Variants in KATNIP observed in about 807,000 individuals in gnomAD.
KATNIP encodes the protein katanin-interacting protein.
A neutral mutation model predicts 174.0 loss-of-function variants in KATNIP; 126 were observed. The ratio of observed to expected loss-of-function variants is 0.72; its 90% CI spans 0.63 to 0.84. The LOEUF (loss-of-function observed/expected upper bound fraction) is 0.84. Ranked by LOEUF, KATNIP falls within the 40% of genes least tolerant of loss-of-function variation. The pLI, the probability that KATNIP is intolerant of heterozygous loss-of-function variation, is 0.00. For missense variants in KATNIP, 1,958 were observed against 2,109.7 expected (o/e 0.93, Z 1.41); for synonymous variants, 810 against 835.7 (o/e 0.97, Z 0.53).
intron 14 of KATNIP, among the ~76,000 whole-genome samples, chr16:27,737,863 A>G (rs1457378358): frequency 1.3e-5 from 2 of 152,108 alleles, no homozygotes; most frequent in East Asian, 1.9e-4. Context: ...TGACACCAGG[A>G]TAACAGATAT....
chr16:27,682,928 C>T (rs1265852889), intron 8 of KATNIP, among the ~76,000 whole-genome samples: 2 of 152,150 alleles, frequency 1.3e-5, no homozygotes, highest in Non-Finnish European at 2.9e-5. Flanking sequence ...CACTCATCCC[C>T]TCACCATGCA....
chr16:27,652,354 T>C (rs1311795608), intron 6 of KATNIP, among the ~76,000 whole-genome samples: 2 of 152,142 alleles, frequency 1.3e-5, no homozygotes, highest in Non-Finnish European at 2.9e-5. Context: ...GAAATAAAGA[T>C]ACGGGATTCT....
At chr16:27,677,204 G>T (rs2078150467) in intron 6 of KATNIP, among the ~76,000 whole-genome samples, 1 of 152,180 alleles carries the variant, frequency 6.6e-6, no homozygotes. Flanking sequence ...GCAATATGCA[G>T]GTCAGCCCCT....
intron 15 of KATNIP, among the ~76,000 whole-genome samples, chr16:27,742,186 G>A (rs1443622897): frequency 1.3e-5 from 2 of 152,144 alleles, no homozygotes; most frequent in Admixed American, 1.3e-4. Flanking sequence ...ACTCAGACTT[G>A]GCTCCTGGAG....
chr16:27,714,320 T>A (rs2079827048), intron 13 of KATNIP, among the ~76,000 whole-genome samples: 1 of 152,218 alleles, frequency 6.6e-6, no homozygotes, highest in Non-Finnish European at 1.5e-5. Flanking sequence ...TTATCTGTCC[T>A]GTTTACACTA....
intron 6 of KATNIP, among the ~76,000 whole-genome samples, chr16:27,650,228 G>A (rs2077078162): frequency 1.3e-5 from 2 of 152,048 alleles, no homozygotes; most frequent in South Asian, 2.1e-4. Context: ...CCAGATAGAG[G>A]AAGCAGCAAG....
intron 10 of KATNIP, among the ~76,000 whole-genome samples, chr16:27,700,603 C>T (rs1308599505): frequency 6.6e-6 from 1 of 152,166 alleles, no homozygotes; most frequent in Non-Finnish European, 1.5e-5. Context: ...AAGGCATGTC[C>T]CATCTGAGCT....
intron 6 of KATNIP, among the ~76,000 whole-genome samples, chr16:27,662,505 C>T (rs1567270901): frequency 6.6e-6 from 1 of 152,028 alleles, no homozygotes; most frequent in Non-Finnish European, 1.5e-5. Context: ...GCAGGTGGGT[C>T]AGACAGCACA....
At chr16:27,706,236 A>G (rs774306416) in intron 12 of KATNIP, among the ~76,000 whole-genome samples, 5 of 152,120 alleles carry the variant, frequency 3.3e-5, no homozygotes, top group Non-Finnish European at 7.3e-5. Flanking sequence ...GCACCCCTGT[A>G]TCATCAGACT....
intron 1 of KATNIP, among the ~76,000 whole-genome samples, chr16:27,557,709 T>G (rs2089688596): frequency 1.3e-5 from 2 of 152,222 alleles, no homozygotes; most frequent in African/African-American, 4.8e-5. Flanking sequence ...ATTACAGGCA[T>G]GAGCCACTAT....
At chr16:27,605,927 C>T (rs1158457909) in intron 2 of KATNIP, among the ~76,000 whole-genome samples, 1 of 152,114 alleles carries the variant, frequency 6.6e-6, no homozygotes, top group East Asian at 1.9e-4. Flanking sequence ...TTCAGGAGTT[C>T]GAGACTAGCC....
At chr16:27,569,467 T>C (rs2090207732) in intron 1 of KATNIP, among the ~76,000 whole-genome samples, 1 of 152,262 alleles carries the variant, frequency 6.6e-6, no homozygotes, top group Non-Finnish European at 1.5e-5. Context: ...TATTTATTGC[T>C]TCATAGCTGA....
At position 27,777,789 on chromosome 16, in the gene KATNIP, C is replaced by G; in HGVS notation, c.4712+19C>G. 6.2e-7 allele frequency: 1 copy of G among 1,612,850 alleles called. No individual in the cohort carries two copies. Among genetic ancestry groups the G allele is most frequent in the Non-Finnish European group, 8.5e-7 (1 of 1,179,098 alleles). ...CCATCAGGTAGGGCCCCAGCCGGCCCCATGGCCTCCCCACCAGCCCTAAGG... is the reference window on the plus strand; with the variant it reads ...CCATCAGGTAGGGCCCCAGCCGGCCGCATGGCCTCCCCACCAGCCCTAAGG... On this transcript the variant is annotated intron_variant, in intron 26 of 27. Coordinates refer to ENST00000261588, the MANE Select transcript of KATNIP (RefSeq NM_015202.5). The surrounding 1 kb of genome is among the most constrained non-coding windows in gnomAD (Gnocchi z 4.4).
At chr16:27,661,911 A>T (rs1337564270) in intron 6 of KATNIP, among the ~76,000 whole-genome samples, 267 of 9,882 alleles carry the variant, frequency 0.027, 2 homozygotes, top group African/African-American at 0.092. Flanking sequence ...GTGCCTGGCT[A>T]ATATATATAT....
chr16:27,761,333 G>A, intron 18 of KATNIP, 80 bp from the exon 19 acceptor site: 2 of 1,405,256 alleles, frequency 1.4e-6, no homozygotes, highest in Non-Finnish European at 9.6e-7. Context: ...AGGCCGAATA[G>A]CATTCCTCTT....
At chr16:27,703,108 A>G (rs2079159648) in intron 11 of KATNIP, among the ~76,000 whole-genome samples, 1 of 152,066 alleles carries the variant, frequency 6.6e-6, no homozygotes, top group South Asian at 2.1e-4. Flanking sequence ...CAGAGGTTGT[A>G]GTGAGCCGAG....
At position 27,751,704 on chromosome 16, in the gene KATNIP, T is replaced by C; in HGVS notation, c.3347-15T>C. The stretch of plus-strand genomic sequence containing the variant: ...GAAGTGAGTTGACCTTTCTGTCATC[T>C]TGATAACCCATTAGCCCCAGAGCAC... On this transcript the variant is annotated splice_polypyrimidine_tract_variant and intron_variant, in intron 16 of 27. Transcript: ENST00000261588. 1 of 1,613,566 alleles carries C rather than the reference T, an allele frequency of 6.2e-7. No individual in the cohort carries two copies. Among genetic ancestry groups the C allele is most frequent in the Non-Finnish European group, 8.5e-7 (1 of 1,179,454 alleles).
chr16:27,749,257 G>C (rs2081401113), intron 15 of KATNIP, among the ~76,000 whole-genome samples: 1 of 152,230 alleles, frequency 6.6e-6, no homozygotes, highest in Non-Finnish European at 1.5e-5. Flanking sequence ...AAAACAACCA[G>C]ATTCTGGAAT....
chr16:27,617,843 T>A (rs561325396), intron 2 of KATNIP, among the ~76,000 whole-genome samples: 2 of 152,050 alleles, frequency 1.3e-5, no homozygotes, highest in South Asian at 4.2e-4. Context: ...CAGGCAGTCC[T>A]CCCCCTTCAG....
Sources: gnomAD v4.1 joint callset for allele counts (sites outside exome capture counted in the v4.1 genomes callset) on GRCh38, gnomAD v4.1.1 for gene constraint, Gnocchi (gnomAD v3.1) non-coding constraint, MANE v1.5 for transcripts, NCBI Gene and HGNC (gene_info 2026-07-23, HGNC 2026-07-21) for gene names.